The following TERT variants were observed in gnomAD, a reference collection of about 807,000 sequenced individuals.
The protein encoded by TERT is telomerase catalytic subunit.
In TERT, 42 loss-of-function variants were observed where a neutral mutation model predicts 104.0. The ratio of observed to expected loss-of-function variants is 0.40; its 90% CI spans 0.32 to 0.52. The LOEUF (loss-of-function observed/expected upper bound fraction) is 0.52, where lower values mean the gene tolerates loss of function less well. Ranked by LOEUF, TERT falls within the 20% of genes least tolerant of loss-of-function variation. The pLI, the probability that TERT is intolerant of heterozygous loss-of-function variation, is 0.43. For missense variants in TERT, 1,101 were observed against 1,610.3 expected, an observed-to-expected ratio of 0.68 and a Z score of 5.41; for synonymous variants, 781 against 725.6, an observed-to-expected ratio of 1.08 and a Z score of -1.23.
At chr5:1,258,852 CTG>C (rs143487428) in intron 12 of TERT, among the ~76,000 whole-genome samples, 193 bp from the exon 13 acceptor site, 1 of 152,398 alleles carries the variant, frequency 6.6e-6, no homozygotes, top group African/African-American at 2.4e-5. Flanking sequence ...AGTCAAGACT[CTG>C]TGTCATCTGC....
In TERT at chr5:1,279,489, G is replaced by A. The variant is rs1156754434; in HGVS notation, c.1951-19C>T. On this transcript the variant is annotated intron_variant, in intron 4 of 15. Transcript: ENST00000310581. ...GCTCGGCCTGGCGGGGACAGCATGG[G>A]AGACAGTCAGGAAAGTGGATCCGGC... The A allele has an allele frequency of 6.5e-7, 1 of 1,548,102 alleles. No homozygotes were observed. Among genetic ancestry groups the A allele is most frequent in the Non-Finnish European group, 8.7e-7 (1 of 1,146,886 alleles).
intron 11 of TERT, chr5:1,264,176 C>T (rs1748427530): frequency 1.7e-6 from 1 of 587,042 alleles, no homozygotes; most frequent in Non-Finnish European, 3.1e-6. Context: ...GCACCATTTC[C>T]TTTTACCAAA....
intron 2 of TERT, among the ~76,000 whole-genome samples, chr5:1,285,801 C>G (rs1390648982): frequency 2.0e-5 from 3 of 151,966 alleles, no homozygotes; most frequent in Non-Finnish European, 4.4e-5. Flanking sequence ...ACCTCCTGAC[C>G]TCGTGATCCA....
rs920588286 is a variant in TERT, at chr5:1,262,006, A to G, written c.2844-1406T>C. Reference sequence around the variant, plus strand: ...AACGCTCCAGGGAATGGCCATTTTCACTGTGGCTCAGGCAAGCTGAGTTTC... The same window carrying G: ...AACGCTCCAGGGAATGGCCATTTTCGCTGTGGCTCAGGCAAGCTGAGTTTC... On this transcript the variant is annotated intron_variant, in intron 11 of 15. Transcript: ENST00000310581. The surrounding 1 kb of genome is among the most constrained non-coding windows in gnomAD (Gnocchi z 5.6). Among the ~76,000 whole-genome samples, 6 of 152,126 alleles carry G rather than the reference A, an allele frequency of 3.9e-5. No homozygotes were observed. Among genetic ancestry groups the G allele is most frequent in the African/African-American group, 1.2e-4 (5 of 41,418 alleles).
At position 1,263,236 on chromosome 5, in the gene TERT, A is replaced by G. The variant is rs545044127; in HGVS notation, c.2843+1168T>C. 1.1e-3 allele frequency among the ~76,000 whole-genome samples: 166 copies of G among 152,344 alleles called. 1 individual carries two copies. Among genetic ancestry groups the G allele is most frequent in the African/African-American group, 3.7e-3 (152 of 41,588 alleles). ...TGTTAACTCAGAACGACAGGACCCC[A>G]GTTTAAACCTCTGGTTTAACAACCA... On this transcript the variant is annotated intron_variant, in intron 11 of 15. Coordinates refer to ENST00000310581, the MANE Select transcript of TERT (RefSeq NM_198253.3). The surrounding 1 kb of genome is among the most constrained non-coding windows in gnomAD (Gnocchi z 5.3).
Position 1,262,645 on chromosome 5 carries a change from T to C in TERT, c.2843+1759A>G, listed in dbSNP as rs796750673. 1.9e-4 allele frequency among the ~76,000 whole-genome samples: 29 copies of C among 152,330 alleles called. No homozygotes were observed. The highest frequency in any genetic ancestry group is 6.7e-4 in the African/African-American group (28 of 41,568). ...TTGGGAGCACAGAATATTCTGGCAT[T>C]GGACCCACATCTGATGACCTGATGC... On this transcript the variant is annotated intron_variant, in intron 11 of 15. Coordinates refer to ENST00000310581, the MANE Select transcript of TERT (RefSeq NM_198253.3). This position sits in a 1 kb window ranked among gnomAD's most constrained non-coding sequence, Gnocchi z 5.6.
chr5:1,258,713 GT>G (rs1448459462), intron 12 of TERT, 54 bp from the exon 13 acceptor site: 38 of 1,473,470 alleles, frequency 2.6e-5, no homozygotes, highest in Non-Finnish European at 3.2e-5. Flanking sequence ...GGGATTTTAA[GT>G]TTTTACTTTT....
intron 5 of TERT, 104 bp downstream of exon 5, chr5:1,279,187 C>A: frequency 7.4e-7 from 1 of 1,348,806 alleles, no homozygotes; most frequent in Non-Finnish European, 1.0e-6. Context: ...CCTGCACTCC[C>A]TGCGGCCCAC....
intron 6 of TERT, among the ~76,000 whole-genome samples, chr5:1,278,216 C>T (rs539616674): frequency 2.0e-5 from 3 of 152,312 alleles, no homozygotes; most frequent in East Asian, 1.9e-4. Flanking sequence ...AACCAGCACC[C>T]GAGAGCGTGA....
At position 1,271,200 on chromosome 5, in the gene TERT, G is replaced by A. The variant is rs369810792; in HGVS notation, c.2387C>T (p.Ser796Phe). Residue 796 changes from serine to phenylalanine, a missense_variant, in exon 8 of 16, where the codon TCC becomes TTC. Ser to Phe is a radical substitution (Grantham distance 155). This residue lies in a region of TERT where 463 missense variants were observed against 797.5 expected (regional missense o/e 0.58). Transcript: ENST00000310581. ...GCCACTGCTGGCCTCATTCAGGGAG[G>A]AGCTCTGCGAAAGCAGACGGGAGAC... ...LRDAVVIEQS[S>F]SLNEASSGLF... 10 of 1,612,776 alleles carry A rather than the reference G, an allele frequency of 6.2e-6. No homozygotes were observed. The highest frequency in any genetic ancestry group is 8.5e-6 in the Non-Finnish European group (10 of 1,179,742).
Position 1,294,007 on chromosome 5 carries a change from G to A in TERT, c.879C>T (p.Arg293=). ...TSLEGALSGT[R]HSHPSVGRQH... ...GGCGGCCCACGGATGGGTGGGAGTG[G>A]CGCGTGCCAGAGAGCGCACCCTCCA... Residue 293 remains arginine (R), a synonymous_variant, in exon 2 of 16, where the codon CGC becomes CGT. Coordinates refer to ENST00000310581, the MANE Select transcript of TERT (RefSeq NM_198253.3). 3 of 1,582,216 alleles carry A rather than the reference G, an allele frequency of 1.9e-6. No homozygotes were observed. The highest frequency in any genetic ancestry group is 2.6e-6 in the Non-Finnish European group (3 of 1,167,202).
In TERT at chr5:1,257,535, C is replaced by CA; in HGVS notation, c.3032+1062dup. ...GAAGATTTGAGGCAGAGAGAGAAGG[C>CA]AGAGAGGAGGGCGGTCTGAGCCGGA... On this transcript the variant is annotated intron_variant, in intron 13 of 15. Transcript: ENST00000310581. The surrounding 1 kb of genome is among the most constrained non-coding windows in gnomAD (Gnocchi z 5.6). Among the ~76,000 whole-genome samples, 1 of 152,284 alleles carries CA rather than the reference C, an allele frequency of 6.6e-6. No individual in the cohort carries two copies. Among genetic ancestry groups the CA allele is most frequent in the Admixed American group, 6.5e-5 (1 of 15,294 alleles).
Position 1,255,414 on chromosome 5 carries a change from G to A in TERT, c.3033-3C>T. On this transcript the variant is annotated splice_polypyrimidine_tract_variant and splice_region_variant and intron_variant, in intron 13 of 15. Transcript: ENST00000310581. The surrounding 1 kb of genome is among the most constrained non-coding windows in gnomAD (Gnocchi z 6.9). The stretch of plus-strand genomic sequence containing the variant: ...GCTGCAGCACACATGCGTGAAACCT[G>A]AGAGGATGGCGGACAGCGTCAGAGG... 6.2e-7 allele frequency: 1 copy of A among 1,614,176 alleles called. No homozygotes were observed. Among genetic ancestry groups the A allele is most frequent in the Non-Finnish European group, 8.5e-7 (1 of 1,180,028 alleles).
intron 2 of TERT, among the ~76,000 whole-genome samples, chr5:1,290,907 G>A (rs868058458): frequency 8.8e-3 from 683 of 77,572 alleles, no homozygotes; most frequent in Admixed American, 0.011. Context: ...CACTCACCCT[G>A]CACGTGACAG....
chr5:1,290,094 C>T (rs62332589), intron 2 of TERT, among the ~76,000 whole-genome samples: 1,464 of 13,156 alleles, frequency 0.11, 50 homozygotes, highest in Admixed American at 0.17. Flanking sequence ...CCGGGGGCCG[C>T]GCCTCACTCA....
At position 1,261,947 on chromosome 5, in the gene TERT, C is replaced by T. The variant is rs1341127902; in HGVS notation, c.2844-1347G>A. ...AAAGTGAGAGGATGAATGTGCAGGA[C>T]CTCACAGGGCGCCTTAAATAAATCA... On this transcript the variant is annotated intron_variant, in intron 11 of 15. Coordinates refer to ENST00000310581, the MANE Select transcript of TERT (RefSeq NM_198253.3). This position sits in a 1 kb window ranked among gnomAD's most constrained non-coding sequence, Gnocchi z 7.4. 6.6e-6 allele frequency among the ~76,000 whole-genome samples: 1 copy of T among 152,184 alleles called. No homozygotes were observed. Among genetic ancestry groups the T allele is most frequent in the African/African-American group, 2.4e-5 (1 of 41,438 alleles).
intron 8 of TERT, 49 bp downstream of exon 8, chr5:1,271,070 A>T: frequency 6.8e-7 from 1 of 1,480,102 alleles, no homozygotes; most frequent in Admixed American, 1.7e-5. Context: ...AAGCCCTGCC[A>T]GCCCGCCCAG....
At chr5:1,254,579 C>T in intron 14 of TERT, 74 bp from the exon 15 acceptor site, 1 of 1,529,062 alleles carries the variant, frequency 6.5e-7, no homozygotes, top group South Asian at 1.2e-5. Context: ...GAAAGCTGCC[C>T]ACACCCGACG....
chr5:1,254,564 C>T, intron 14 of TERT, 59 bp from the exon 15 acceptor site: 1 of 1,555,716 alleles, frequency 6.4e-7, no homozygotes, highest in South Asian at 1.2e-5. Flanking sequence ...TCCCAGGAGA[C>T]ACCGGAAAGC....
Sources: allele counts gnomAD v4.1 joint callset (sites outside exome capture counted in the v4.1 genomes callset), GRCh38; gene constraint gnomAD v4.1.1; regional missense constraint gnomAD v4.1.1; non-coding constraint Gnocchi (gnomAD v3.1); transcripts MANE v1.5; gene names NCBI Gene and HGNC (gene_info 2026-07-23, HGNC 2026-07-21).